DLGAP1: variants seen among roughly 807,000 people sequenced by gnomAD.
The protein encoded by DLGAP1 is disks large-associated protein 1.
A neutral mutation model predicts 90.8 loss-of-function variants in DLGAP1; 11 were observed. The ratio of observed to expected loss-of-function variants is 0.12; its 90% CI spans 0.08 to 0.20. The LOEUF is 0.20. DLGAP1 is among the 10% of genes least tolerant of loss of function. The pLI is 1.00. For missense variants in DLGAP1, 1,050 were observed against 1,333.8 expected, an observed-to-expected ratio of 0.79 and a Z score of 3.31; for synonymous variants, 558 against 540.7, an observed-to-expected ratio of 1.03 and a Z score of -0.44.
At chr18:4,156,879 C>T (rs1035986924) in intron 1 of DLGAP1, among the ~76,000 whole-genome samples, 1 of 152,098 alleles carries the variant, frequency 6.6e-6, no homozygotes, top group Non-Finnish European at 1.5e-5. Context: ...TGATCATGGC[C>T]ATAGGGCCGA....
chr18:4,128,422 C>T (rs2076263441), intron 2 of DLGAP1, among the ~76,000 whole-genome samples: 1 of 152,108 alleles, frequency 6.6e-6, no homozygotes, highest in African/African-American at 2.4e-5. Flanking sequence ...TGCCAATTCC[C>T]CTCTGATACC....
In DLGAP1 at chr18:3,729,105, G is replaced by T. The variant is rs762286764; in HGVS notation, c.1591+30C>A. 1 of 1,579,538 alleles carries T rather than the reference G, an allele frequency of 6.3e-7. No homozygotes were observed. The highest frequency in any genetic ancestry group is 8.6e-7 in the Non-Finnish European group (1 of 1,161,748). Reference sequence around the variant, plus strand: ...CAGTCGTGCCATAGCCAGCACAGGGGCCAGGCTGGCTGAGGGCCCGCGCAC... The same window carrying T: ...CAGTCGTGCCATAGCCAGCACAGGGTCCAGGCTGGCTGAGGGCCCGCGCAC... On this transcript the variant is annotated intron_variant, in intron 7 of 12. Transcript: ENST00000315677. This position sits in a 1 kb window ranked among gnomAD's most constrained non-coding sequence, Gnocchi z 6.2.
At chr18:4,175,718 G>A (rs753285152) in intron 1 of DLGAP1, among the ~76,000 whole-genome samples, 4 of 152,020 alleles carry the variant, frequency 2.6e-5, no homozygotes, top group Non-Finnish European at 5.9e-5. Flanking sequence ...GTCAAAGACC[G>A]GATGTTTATA....
intron 1 of DLGAP1, among the ~76,000 whole-genome samples, chr18:4,335,582 A>G (rs2143784317): frequency 6.6e-6 from 1 of 152,288 alleles, no homozygotes; most frequent in East Asian, 1.9e-4. Context: ...TGGCTCTGGA[A>G]AAGGAAGGAA....
At chr18:3,514,914 T>C (rs925003015) in intron 10 of DLGAP1, among the ~76,000 whole-genome samples, 4 of 152,126 alleles carry the variant, frequency 2.6e-5, no homozygotes, top group Admixed American at 1.3e-4. Flanking sequence ...TTTTTCACTT[T>C]GTATTTTTTG....
chr18:3,767,465 T>C (rs1410902341), intron 5 of DLGAP1, among the ~76,000 whole-genome samples: 3 of 152,014 alleles, frequency 2.0e-5, no homozygotes, highest in African/African-American at 7.2e-5. Flanking sequence ...AATAAAACTA[T>C]AGACCTCATG....
At chr18:3,606,740 T>C (rs552698652) in intron 7 of DLGAP1, 2 of 152,372 alleles carry the variant, frequency 1.3e-5, no homozygotes, top group East Asian at 1.9e-4. Context: ...AATTTTCCTA[T>C]ATTTTGAAAA....
rs114417845 is a variant in DLGAP1, at chr18:4,330,042, T to G, written c.-267+124964A>C. On this transcript the variant is annotated intron_variant, in intron 1 of 12. Transcript: ENST00000315677. Reference sequence around the variant, plus strand: ...ATTTTAAACAATAGATTAAAATGCTTGATAGACATTGAGCTTTTCAACATT... The same window carrying G: ...ATTTTAAACAATAGATTAAAATGCTGGATAGACATTGAGCTTTTCAACATT... 9.8e-3 allele frequency among the ~76,000 whole-genome samples: 1,486 copies of G among 152,148 alleles called. 27 individuals are homozygous for G. The highest frequency in any genetic ancestry group is 0.034 in the African/African-American group (1,420 of 41,578).
chr18:4,325,895 A>C (rs1019493012), intron 1 of DLGAP1, among the ~76,000 whole-genome samples: 1 of 152,188 alleles, frequency 6.6e-6, no homozygotes, highest in Non-Finnish European at 1.5e-5. Context: ...GTAAAACCTA[A>C]AACTATAAAA....
At chr18:4,424,256 T>A (rs1659949079) in intron 1 of DLGAP1, among the ~76,000 whole-genome samples, 1 of 152,208 alleles carries the variant, frequency 6.6e-6, no homozygotes, top group African/African-American at 2.4e-5. Flanking sequence ...CCTAAAAGGA[T>A]GCAGTCAGAT....
At chr18:4,301,819 T>C (rs970895943) in intron 1 of DLGAP1, among the ~76,000 whole-genome samples, 1 of 152,232 alleles carries the variant, frequency 6.6e-6, no homozygotes, top group Non-Finnish European at 1.5e-5. Flanking sequence ...TTTGTTTTTT[T>C]GATAATACCC....
intron 2 of DLGAP1, among the ~76,000 whole-genome samples, chr18:4,052,088 G>A (rs547103322): frequency 9.8e-4 from 149 of 152,316 alleles, no homozygotes; most frequent in Non-Finnish European, 9.9e-4. Context: ...GGCTGGCATT[G>A]AGTGTCTGCA....
At chr18:3,901,276 C>T (rs141793292) in intron 3 of DLGAP1, among the ~76,000 whole-genome samples, 283 of 152,286 alleles carry the variant, frequency 1.9e-3, no homozygotes, top group African/African-American at 6.6e-3. Context: ...TGCCCACCAT[C>T]TCTCATTCAC....
chr18:4,290,901 G>A (rs768009293), intron 1 of DLGAP1, among the ~76,000 whole-genome samples: 7 of 152,076 alleles, frequency 4.6e-5, no homozygotes, highest in Non-Finnish European at 1.0e-4. Context: ...TGCCCTGTAC[G>A]GAGTGCTCAG....
At chr18:4,057,226 T>C (rs13380921) in intron 2 of DLGAP1, among the ~76,000 whole-genome samples, 71,939 of 151,952 alleles carry the variant, frequency 0.47, 18,738 homozygotes, top group Non-Finnish European at 0.58. Flanking sequence ...AGTCTCCCAA[T>C]AGACAGAAAA....
intron 7 of DLGAP1, among the ~76,000 whole-genome samples, chr18:3,588,319 C>T (rs1035772133): frequency 2.6e-5 from 4 of 152,088 alleles, no homozygotes; most frequent in Non-Finnish European, 5.9e-5. Context: ...ATTAGTCAGG[C>T]GTGGCAGCAC....
intron 1 of DLGAP1, among the ~76,000 whole-genome samples, chr18:4,451,944 A>C (rs1420080070): frequency 6.6e-6 from 1 of 152,204 alleles, no homozygotes; most frequent in African/African-American, 2.4e-5. Flanking sequence ...TAGGTTTTTC[A>C]AGAGTCTTTT....
In DLGAP1 at chr18:4,342,450, T is replaced by C. The variant is rs1234014118; in HGVS notation, c.-267+112556A>G. ...CTAAGACTAAATGGTTTTAAAACTCTGCTTTCTTTTAAATAAGAGCCATTT... is the reference window on the plus strand; with the variant it reads ...CTAAGACTAAATGGTTTTAAAACTCCGCTTTCTTTTAAATAAGAGCCATTT... On this transcript the variant is annotated intron_variant, in intron 1 of 12. Coordinates refer to ENST00000315677, the MANE Select transcript of DLGAP1 (RefSeq NM_004746.4). The surrounding 1 kb of genome is among the most constrained non-coding windows in gnomAD (Gnocchi z 5.8). Among the ~76,000 whole-genome samples, 1 of 152,224 alleles carries C rather than the reference T, an allele frequency of 6.6e-6. No individual in the cohort carries two copies. Among genetic ancestry groups the C allele is most frequent in the Admixed American group, 6.5e-5 (1 of 15,278 alleles).
At chr18:3,742,646 T>G in intron 5 of DLGAP1, 134 bp from the exon 6 acceptor site, 1 of 1,024,080 alleles carries the variant, frequency 9.8e-7, no homozygotes, top group East Asian at 2.6e-5. Context: ...CTGTGATTAC[T>G]AAACTCCCCC....
Sources: gnomAD v4.1 joint callset for allele counts (sites outside exome capture counted in the v4.1 genomes callset) on GRCh38, gnomAD v4.1.1 for gene constraint, Gnocchi (gnomAD v3.1) non-coding constraint, MANE v1.5 for transcripts, NCBI Gene and HGNC (gene_info 2026-07-23, HGNC 2026-07-21) for gene names.